KCNMA1: variants seen among roughly 807,000 people sequenced by gnomAD.
The protein encoded by KCNMA1 is Calcium-activated potassium channel subunit alpha-1.
In KCNMA1, 29 loss-of-function variants were observed where a neutral mutation model predicts 140.0. The ratio of observed to expected loss-of-function variants is 0.21; its 90% confidence interval spans 0.15 to 0.28. The LOEUF is 0.28. Ranked by LOEUF, KCNMA1 falls within the 10% of genes least tolerant of loss-of-function variation. The pLI is 1.00. For missense variants in KCNMA1, 880 were observed against 1,602.2 expected, an observed-to-expected ratio of 0.55 and a Z score of 7.70; for synonymous variants, 612 against 611.9, an observed-to-expected ratio of 1.00 and a Z score of 0.00.
chr10:77,391,706 C>T (rs1443158949), intron 2 of KCNMA1, among the ~76,000 whole-genome samples: 1 of 151,812 alleles, frequency 6.6e-6, no homozygotes, highest in African/African-American at 2.4e-5. Flanking sequence ...TTTAGTGCAC[C>T]AAATTGGGCT....
chr10:77,002,576 G>C (rs1251018480), intron 18 of KCNMA1, among the ~76,000 whole-genome samples: 2 of 152,194 alleles, frequency 1.3e-5, no homozygotes, highest in African/African-American at 2.4e-5. Context: ...CAATTTGCAT[G>C]CAGCATTGAT....
chr10:77,523,167 A>C (rs2054094145), intron 1 of KCNMA1, among the ~76,000 whole-genome samples: 1 of 151,672 alleles, frequency 6.6e-6, no homozygotes, highest in African/African-American at 2.4e-5. Context: ...GGACATCCTT[A>C]AGAACAGAAG....
At chr10:76,916,704 C>T (rs1275125236) in intron 23 of KCNMA1, among the ~76,000 whole-genome samples, 1 of 152,198 alleles carries the variant, frequency 6.6e-6, no homozygotes, top group Non-Finnish European at 1.5e-5. Flanking sequence ...AGATATCTGA[C>T]TCACTTTCCA....
At chr10:77,534,031 G>A (rs2058314504) in intron 1 of KCNMA1, among the ~76,000 whole-genome samples, 1 of 152,120 alleles carries the variant, frequency 6.6e-6, no homozygotes, top group African/African-American at 2.4e-5. Context: ...CCCTGCCAAG[G>A]GCACACTTGA....
At position 76,953,888 on chromosome 10, in the gene KCNMA1, A is replaced by T; in HGVS notation, c.2397T>A (p.Ile799=). The change falls in exon 21 of 28, where the codon ATT becomes ATA. Residue 799 remains isoleucine (I), a synonymous_variant. Transcript: ENST00000286628. ...TCTTCACATTGGAGTCCATGTTGTCAATCTGATCATTGCCAGGAATTAACA... is the reference window on the plus strand; with the variant it reads ...TCTTCACATTGGAGTCCATGTTGTCTATCTGATCATTGCCAGGAATTAACA... The part of the protein sequence containing the change: ...DPLLIPGNDQ[I]DNMDSNVKKY... 2.5e-6 allele frequency: 4 copies of T among 1,614,112 alleles called. No individual in the cohort carries two copies. The highest frequency in any genetic ancestry group is 3.4e-6 in the Non-Finnish European group (4 of 1,179,956).
At chr10:76,892,010 A>C (rs977978543) in intron 25 of KCNMA1, among the ~76,000 whole-genome samples, 1 of 152,166 alleles carries the variant, frequency 6.6e-6, no homozygotes, top group African/African-American at 2.4e-5. Context: ...TGGTTTTAGT[A>C]GGGATACAAA....
intron 1 of KCNMA1, among the ~76,000 whole-genome samples, chr10:77,509,080 G>A (rs1355747979): frequency 6.7e-6 from 1 of 149,156 alleles, no homozygotes; most frequent in Non-Finnish European, 1.5e-5. Context: ...ACTGTTTTTT[G>A]TTGTTGTCAT....
intron 5 of KCNMA1, among the ~76,000 whole-genome samples, chr10:77,136,684 G>A (rs1449080265): frequency 2.0e-5 from 3 of 151,836 alleles, no homozygotes; most frequent in East Asian, 1.9e-4. Flanking sequence ...AAAAGTAGAA[G>A]AAAAGCATAA....
intron 1 of KCNMA1, among the ~76,000 whole-genome samples, chr10:77,471,980 CATA>C (rs1401311915): frequency 1.3e-5 from 2 of 149,548 alleles, no homozygotes; most frequent in East Asian, 2.0e-4. Context: ...ATCACACACA[CATA>C]ATGCCACATA....
intron 3 of KCNMA1, among the ~76,000 whole-genome samples, chr10:77,225,468 G>A (rs2051018404): frequency 6.6e-6 from 1 of 152,134 alleles, no homozygotes; most frequent in African/African-American, 2.4e-5. Flanking sequence ...GCTCTAAACA[G>A]ACCCTGCTTC....
At chr10:77,430,166 C>T (rs2097122800) in intron 1 of KCNMA1, among the ~76,000 whole-genome samples, 1 of 152,206 alleles carries the variant, frequency 6.6e-6, no homozygotes. Context: ...GAGAAGGTCA[C>T]CTATCTCCCC....
At position 76,972,038 on chromosome 10, in the gene KCNMA1, G is replaced by A. The variant is rs189349692; in HGVS notation, c.2267-1971C>T. ...ACTTTCCCCATCTTAGAATGAAGTA[G>A]AAAGTCTTGCACTAACTAGACGTAT... On this transcript the variant is annotated intron_variant, in intron 19 of 27. Coordinates refer to ENST00000286628, the MANE Select transcript of KCNMA1 (RefSeq NM_001161352.2). Among the ~76,000 whole-genome samples, 10 of 152,078 alleles carry A rather than the reference G, an allele frequency of 6.6e-5. 1 individual carries two copies. The highest frequency in any genetic ancestry group is 2.4e-4 in the African/African-American group (10 of 41,446).
At chr10:77,526,770 A>G (rs1425216104) in intron 1 of KCNMA1, among the ~76,000 whole-genome samples, 2 of 151,858 alleles carry the variant, frequency 1.3e-5, no homozygotes, top group Non-Finnish European at 2.9e-5. Context: ...CAATCTGCCT[A>G]CTCGCTGAGA....
intron 3 of KCNMA1, among the ~76,000 whole-genome samples, chr10:77,230,265 A>C (rs1189685616): frequency 2.0e-5 from 3 of 152,214 alleles, no homozygotes; most frequent in Non-Finnish European, 4.4e-5. Context: ...AAAGCAGATC[A>C]GTGGTTGTCA....
At chr10:77,622,314 A>G (rs1233535197) in intron 1 of KCNMA1, among the ~76,000 whole-genome samples, 1 of 152,194 alleles carries the variant, frequency 6.6e-6, no homozygotes, top group African/African-American at 2.4e-5. Flanking sequence ...AGTCCTGTCT[A>G]TGTCATCAGA....
chr10:77,169,899 T>G (rs1191844043), intron 5 of KCNMA1, among the ~76,000 whole-genome samples: 1 of 152,182 alleles, frequency 6.6e-6, no homozygotes, highest in Non-Finnish European at 1.5e-5. Context: ...TAGTGTGTCT[T>G]ATGAAAAATG....
At chr10:77,387,763 G>T (rs1332085207) in intron 2 of KCNMA1, among the ~76,000 whole-genome samples, 1 of 151,924 alleles carries the variant, frequency 6.6e-6, no homozygotes, top group African/African-American at 2.4e-5. Flanking sequence ...GACTACAGGT[G>T]CCTGCCAGCA....
chr10:77,449,776 G>A (rs1251029848), intron 1 of KCNMA1, among the ~76,000 whole-genome samples: 1 of 151,002 alleles, frequency 6.6e-6, no homozygotes. Flanking sequence ...CCGAGTAGCT[G>A]GGACTACAGG....
At chr10:77,307,100 C>G (rs1482825289) in intron 2 of KCNMA1, among the ~76,000 whole-genome samples, 3 of 152,122 alleles carry the variant, frequency 2.0e-5, no homozygotes, top group Non-Finnish European at 4.4e-5. Context: ...TTAATTTAAC[C>G]CAAGCTCTAC....
Sources: allele counts gnomAD v4.1 joint callset (sites outside exome capture counted in the v4.1 genomes callset), GRCh38; gene constraint gnomAD v4.1.1; transcripts MANE v1.5; gene names NCBI Gene and HGNC (gene_info 2026-07-23, HGNC 2026-07-21).